Variants in IRGM observed in about 807,000 individuals in gnomAD.
IRGM encodes immunity related GTPase M, also known as immunity-related GTPase family M protein.
For missense variants in IRGM, 288 were observed against 219.9 expected (o/e 1.31, Z -1.96); for synonymous variants, 98 against 80.6 (o/e 1.22, Z -1.16).
Position 150,847,838 on chromosome 5 carries a change from C to G in IRGM, c.-286C>G, listed in dbSNP as rs978974943. 7.7e-5 allele frequency: 27 copies of G among 349,942 alleles called. No homozygotes were observed. In the East Asian group the frequency reaches 1.7e-3, roughly 22 times the overall value. The allele number at this position is 349,942 out of a possible 1,614,324, so 21.7% of individuals were successfully genotyped here. On this transcript the variant is annotated 5_prime_UTR_variant, in exon 2 of 2. Transcript: ENST00000522154. ...GTTTGTTTTGAGATGGAGTCTTGCT[C>G]TGTTGCCAGGCTGGAGTGCAATGGC...
At chr5:150,860,207 T>A (rs991007975) in intron 1 of IRGM, among the ~76,000 whole-genome samples, 1 of 152,224 alleles carries the variant, frequency 6.6e-6, no homozygotes. Context: ...CTTATAAAGT[T>A]CATACAAGAA....
At chr5:150,898,100 C>G in intron 3 of IRGM, 5 of 1,613,548 alleles carry the variant, frequency 3.1e-6, no homozygotes, top group Non-Finnish European at 3.4e-6. Context: ...TGGATAGATC[C>G]AATTTGATAT....
At chr5:150,863,901 G>A (rs1754170397) in intron 1 of IRGM, among the ~76,000 whole-genome samples, 1 of 152,170 alleles carries the variant, frequency 6.6e-6, no homozygotes, top group South Asian at 2.1e-4. Flanking sequence ...AGAGAAATAG[G>A]ATTTGAGGGA....
chr5:150,848,601 G>C lies in IRGM; in HGVS notation c.478G>C (p.Val160Leu), dbSNP rs1753924743. The C allele has an allele frequency of 6.4e-7, 1 of 1,551,276 alleles. No individual in the cohort carries two copies. The highest frequency in any genetic ancestry group is 2.0e-5 in the Admixed American group (1 of 50,980). ...MDLSTGALPE[V>L]QLLQIRENVL... ...CCTCAGCACAGGTGCCCTCCCAGAAGTGCAGCTACTGCAGATCAGAGAAAA... is the reference window on the plus strand; with the variant it reads ...CCTCAGCACAGGTGCCCTCCCAGAACTGCAGCTACTGCAGATCAGAGAAAA... The change falls in exon 2 of 2, where the codon GTG becomes CTG. Residue 160 changes from valine (V) to leucine (L), a missense_variant. Transcript: ENST00000522154.
At chr5:150,884,437 G>T (rs1266692903) in intron 3 of IRGM, among the ~76,000 whole-genome samples, 1 of 152,098 alleles carries the variant, frequency 6.6e-6, no homozygotes, top group Non-Finnish European at 1.5e-5. Context: ...TATATACCCA[G>T]TAATGGGATT....
intron 3 of IRGM, chr5:150,896,134 T>A: frequency 6.2e-7 from 1 of 1,613,372 alleles, no homozygotes; most frequent in Non-Finnish European, 8.5e-7. Flanking sequence ...TGATGTATAA[T>A]GAGGGGTGAT....
At chr5:150,866,586 G>T (rs997089854) in intron 1 of IRGM, among the ~76,000 whole-genome samples, 8 of 152,168 alleles carry the variant, frequency 5.3e-5, no homozygotes, top group Non-Finnish European at 8.8e-5. Context: ...CAATAAAAAG[G>T]AGAGTATAAG....
At chr5:150,893,273 AT>A (rs1754646054) in intron 3 of IRGM, among the ~76,000 whole-genome samples, 1 of 152,116 alleles carries the variant, frequency 6.6e-6, no homozygotes, top group Non-Finnish European at 1.5e-5. Flanking sequence ...CAGTTTTCAG[AT>A]TCTCTTTTAC....
chr5:150,887,350 G>A (rs1285556747), intron 3 of IRGM, among the ~76,000 whole-genome samples: 4 of 151,982 alleles, frequency 2.6e-5, no homozygotes, highest in Non-Finnish European at 5.9e-5. Context: ...CTCAGAACTT[G>A]AAGACTGGCT....
At chr5:150,857,784 T>C (rs1234698821) in intron 1 of IRGM, among the ~76,000 whole-genome samples, 1 of 152,352 alleles carries the variant, frequency 6.6e-6, no homozygotes. Flanking sequence ...TTGTTTGTTT[T>C]TTTCTTGTAA....
At chr5:150,849,444 G>GA (rs1753939623), downstream of IRGM, among the ~76,000 whole-genome samples, 2 of 151,938 alleles carry the variant, frequency 1.3e-5, no homozygotes, top group African/African-American at 4.8e-5. Flanking sequence ...GAAGGCATCA[G>GA]AAAAAATATA....
At position 150,888,899 on chromosome 5, in the gene IRGM, C is replaced by G. The variant is rs76679731; in HGVS notation, c.*140+9253C>G. ...GAATTAATATCTTAACAACATTGAGCCTTCCAACCAATAAACTAGATCTAT... is the reference window on the plus strand; with the variant it reads ...GAATTAATATCTTAACAACATTGAGGCTTCCAACCAATAAACTAGATCTAT... On this transcript the variant is annotated intron_variant and NMD_transcript_variant, in intron 3 of 3. Transcript: ENST00000520549. Among the ~76,000 whole-genome samples, 1,064 of 152,074 alleles carry G rather than the reference C, an allele frequency of 7.0e-3. 11 individuals carry two copies. Among genetic ancestry groups the G allele is most frequent in the African/African-American group, 0.024 (1,010 of 41,510 alleles).
At chr5:150,898,460 A>G in intron 3 of IRGM, 1 of 1,613,488 alleles carries the variant, frequency 6.2e-7, no homozygotes, top group Non-Finnish European at 8.5e-7. Flanking sequence ...GTTCTCCAGC[A>G]TCACATCCCT....
At chr5:150,867,831 T>G (rs1051812896) in intron 1 of IRGM, among the ~76,000 whole-genome samples, 4 of 133,192 alleles carry the variant, frequency 3.0e-5, no homozygotes, top group Non-Finnish European at 6.1e-5. Flanking sequence ...GGATTATTTG[T>G]TTTTTTTTTT....
rs938873118 is a variant in IRGM, at chr5:150,846,996, C to G, written c.-640C>G. 2 of 152,366 alleles carry G rather than the reference C, an allele frequency of 1.3e-5. No individual in the cohort carries two copies. Among genetic ancestry groups the G allele is most frequent in the East Asian group, 1.9e-4 (1 of 5,334 alleles). 9.4% of individuals were successfully genotyped at this position (152,366 alleles called of 1,614,324 possible). ...CTCAAATACCTGGCCCCTTGTGGAA[C>G]CTGCAAGAGCCAGGTTTGGCGAATG... On this transcript the variant is annotated 5_prime_UTR_variant, in exon 1 of 2. Transcript: ENST00000522154.
chr5:150,896,827 G>A (rs767774099), intron 3 of IRGM: 2 of 1,613,650 alleles, frequency 1.2e-6, no homozygotes, highest in South Asian at 2.2e-5. Flanking sequence ...TGATTCTCTA[G>A]AAATCTCTGC....
chr5:150,902,374 T>C (rs1755021016), downstream of IRGM, among the ~76,000 whole-genome samples: 1 of 152,164 alleles, frequency 6.6e-6, no homozygotes. Context: ...TAGAAAAACA[T>C]TCAAAATGTG....
At chr5:150,872,244 C>T (rs1023926185) in intron 1 of IRGM, among the ~76,000 whole-genome samples, 1 of 152,152 alleles carries the variant, frequency 6.6e-6, no homozygotes, top group African/African-American at 2.4e-5. Flanking sequence ...TTTGTAAATT[C>T]CGATGAGCCT....
chr5:150,878,276 G>A (rs1169481946), intron 2 of IRGM, among the ~76,000 whole-genome samples: 1 of 152,078 alleles, frequency 6.6e-6, no homozygotes, highest in East Asian at 1.9e-4. Flanking sequence ...TCTGTAAAAT[G>A]GGAGTAATAA....
Sources: allele counts gnomAD v4.1 joint callset (sites outside exome capture counted in the v4.1 genomes callset), GRCh38; gene constraint gnomAD v4.1.1; transcripts MANE v1.5; gene names NCBI Gene and HGNC (gene_info 2026-07-23, HGNC 2026-07-21).